The following AKAP13 variants were observed in gnomAD, a reference collection of about 807,000 sequenced individuals.
AKAP13 encodes the protein A-kinase anchoring protein 13.
AKAP13 carries 80 observed loss-of-function variants against 264.5 expected under a neutral mutation model. That is an observed-to-expected ratio of 0.30 (90% confidence interval 0.25 to 0.36). The LOEUF (loss-of-function observed/expected upper bound fraction) is 0.36, where lower values mean the gene tolerates loss of function less well. Among genes scored for constraint, AKAP13 ranks in the 10% least tolerant of loss-of-function variants. The pLI is 1.00. For missense variants in AKAP13, 3,712 were observed against 3,435.2 expected, an observed-to-expected ratio of 1.08 and a Z score of -2.01; for synonymous variants, 1,380 against 1,250.2, an observed-to-expected ratio of 1.10 and a Z score of -2.19.
chr15:85,734,868 A>T, intron 30 of AKAP13, 124 bp from the exon 31 acceptor site: 1 of 1,298,190 alleles, frequency 7.7e-7, no homozygotes, highest in Non-Finnish European at 1.1e-6. Context: ...TGAGCAAAGG[A>T]ACTCACCCAG....
intron 8 of AKAP13, among the ~76,000 whole-genome samples, chr15:85,629,037 A>T (rs2081567400): frequency 2.6e-5 from 4 of 152,178 alleles, no homozygotes; most frequent in Admixed American, 6.5e-5. Context: ...CTCCAAAAAA[A>T]TTTTTAAAAA....
In AKAP13 at chr15:85,580,285, C is replaced by T; in HGVS notation, c.2217C>T (p.Asn739=). The change falls in exon 7 of 37, where the codon AAC becomes AAT. Residue 739 remains asparagine (N), a synonymous_variant. Transcript: ENST00000394518. ...TTTGTCCTTTCAAAGTGGTGGATAA[C>T]AAAGGCCAACGAAAAGATGTGAAAC... ...ADFCPFKVVD[N]KGQRKDVKLD... 6.2e-7 allele frequency: 1 copy of T among 1,614,168 alleles called. No homozygotes were observed. The highest frequency in any genetic ancestry group is 2.2e-5 in the East Asian group (1 of 44,886).
intron 8 of AKAP13, among the ~76,000 whole-genome samples, chr15:85,628,194 A>G (rs2081522448): frequency 6.6e-6 from 1 of 152,190 alleles, no homozygotes; most frequent in Admixed American, 6.5e-5. Context: ...TTCGTAACCC[A>G]AGGCATTTTG....
At chr15:85,619,846 C>T (rs1188569037) in intron 8 of AKAP13, 2 of 1,354,054 alleles carry the variant, frequency 1.5e-6, no homozygotes, top group African/African-American at 1.5e-5. Flanking sequence ...GTTCTACATT[C>T]ATCTTTCCAG....
At chr15:85,384,269 C>G (rs190868146) in intron 1 of AKAP13, among the ~76,000 whole-genome samples, 31 of 152,272 alleles carry the variant, frequency 2.0e-4, no homozygotes, top group African/African-American at 7.0e-4. Context: ...TTGATGTTCC[C>G]TTCTTTTAAA....
At chr15:85,650,567 C>T (rs1596897736) in intron 10 of AKAP13, among the ~76,000 whole-genome samples, 2 of 151,422 alleles carry the variant, frequency 1.3e-5, no homozygotes, top group Admixed American at 1.3e-4. Flanking sequence ...ACCAGCCTGG[C>T]CAACATGGTG....
intron 5 of AKAP13, among the ~76,000 whole-genome samples, chr15:85,556,277 A>G (rs2078143915): frequency 1.3e-5 from 2 of 152,342 alleles, no homozygotes; most frequent in South Asian, 4.1e-4. Flanking sequence ...TACCGTACAT[A>G]ATTTTATGTG....
intron 7 of AKAP13, among the ~76,000 whole-genome samples, chr15:85,583,534 A>G (rs189347662): frequency 2.0e-3 from 305 of 152,334 alleles, no homozygotes; most frequent in African/African-American, 7.1e-3. Context: ...AGCCACAACA[A>G]CAAGTCTATT....
chr15:85,727,190 G>T lies in AKAP13; in HGVS notation c.6947G>T (p.Ser2316Ile), dbSNP rs772934157. ...CCAGAGATGGTAGAAGTCCATGCCAGCTCCAAAGAGGAACGAAACAGCTGG... is the reference window on the plus strand; with the variant it reads ...CCAGAGATGGTAGAAGTCCATGCCATCTCCAAAGAGGAACGAAACAGCTGG... Reference protein sequence around the residue: ...TDPEMVEVHASSKEERNSWIQ... With the variant: ...TDPEMVEVHAISKEERNSWIQ... Residue 2316 changes from serine to isoleucine, a missense_variant, in exon 28 of 37, where the codon AGC (serine) becomes ATC (isoleucine). Around this residue, in one of 3 missense-constraint regions of AKAP13, gnomAD observed 342 missense variants for 484.3 expected, o/e 0.71. Transcript: ENST00000394518. This position sits in a 1 kb window ranked among gnomAD's most constrained non-coding sequence, Gnocchi z 5.3. The T allele has an allele frequency of 1.2e-6, 2 of 1,614,082 alleles. No individual in the cohort carries two copies. The highest frequency in any genetic ancestry group is 8.5e-7 in the Non-Finnish European group (1 of 1,180,040).
chr15:85,690,700 T>A (rs1171400924), intron 16 of AKAP13, among the ~76,000 whole-genome samples: 2 of 152,212 alleles, frequency 1.3e-5, no homozygotes, highest in Non-Finnish European at 2.9e-5. Flanking sequence ...AGACCTGGGT[T>A]CCCATTTTGA....
chr15:85,544,171 C>T (rs946854714), intron 5 of AKAP13: 9 of 686,150 alleles, frequency 1.3e-5, no homozygotes, highest in East Asian at 2.9e-5. Flanking sequence ...TTTTCTCTCT[C>T]GTCTGCCTGC....
chr15:85,415,248 G>C (rs944532391), intron 1 of AKAP13: 22 of 1,566,944 alleles, frequency 1.4e-5, no homozygotes, highest in Non-Finnish European at 1.7e-5. Flanking sequence ...TCAGCAGCTG[G>C]AAGGAAGATG....
At chr15:85,560,128 TAAAAAAAAAAAAAAAA>T (rs55715424) in intron 5 of AKAP13, among the ~76,000 whole-genome samples, 11 of 54,578 alleles carry the variant, frequency 2.0e-4, no homozygotes, top group Non-Finnish European at 2.7e-4. Context: ...TGTCTCCACC[TAAAAAAAAAAAAAAAA>T]AAAAAAAAAA....
At chr15:85,671,433 C>CA (rs11296113) in intron 14 of AKAP13, among the ~76,000 whole-genome samples, 904 of 70,248 alleles carry the variant, frequency 0.013, 10 homozygotes, top group East Asian at 0.03. Flanking sequence ...GACACTGCCT[C>CA]AAAAAAAAAA....
chr15:85,534,906 C>T (rs1356821691), intron 4 of AKAP13: 1 of 152,128 alleles, frequency 6.6e-6, no homozygotes, highest in Non-Finnish European at 1.5e-5. Flanking sequence ...CATCCAGTTT[C>T]CCTTCTGAGT....
chr15:85,440,147 C>T (rs1321401503), intron 1 of AKAP13, among the ~76,000 whole-genome samples: 1 of 152,090 alleles, frequency 6.6e-6, no homozygotes, highest in Non-Finnish European at 1.5e-5. Context: ...CCAGTTTGTT[C>T]ATATAGAAGA....
At chr15:85,598,500 A>G (rs1483484997) in intron 8 of AKAP13, among the ~76,000 whole-genome samples, 1 of 152,238 alleles carries the variant, frequency 6.6e-6, no homozygotes. Context: ...ATTTGTAGCA[A>G]AGATTCCAAC....
At chr15:85,436,966 A>G (rs1364225982) in intron 1 of AKAP13, among the ~76,000 whole-genome samples, 4 of 151,188 alleles carry the variant, frequency 2.6e-5, no homozygotes, top group African/African-American at 7.3e-5. Context: ...AAATAACTAA[A>G]ATCAGAGCAG....
chr15:85,429,326 ATGGTCCATC>A (rs1249294771), intron 1 of AKAP13, among the ~76,000 whole-genome samples: 2 of 152,156 alleles, frequency 1.3e-5, no homozygotes, highest in African/African-American at 4.8e-5. Context: ...TGCAAGACTA[ATGGTCCATC>A]TGGGAGCTGT....
Sources: gnomAD v4.1 joint callset for allele counts (sites outside exome capture counted in the v4.1 genomes callset) on GRCh38, gnomAD v4.1.1 for gene constraint, gnomAD v4.1.1 regional missense constraint, Gnocchi (gnomAD v3.1) non-coding constraint, MANE v1.5 for transcripts, NCBI Gene and HGNC (gene_info 2026-07-23, HGNC 2026-07-21) for gene names.